The following GALNT13 variants were observed in gnomAD, a reference collection of about 807,000 sequenced individuals.
GALNT13 encodes the protein UDP-GalNAc:polypeptide N-acetylgalactosaminyltransferase 13.
Under a neutral mutation model 64.2 loss-of-function variants are expected in GALNT13, and 28 were observed. The observed-to-expected ratio is 0.44, with a 90% CI of 0.32 to 0.60. The LOEUF is 0.60. GALNT13 is among the 20% of genes least tolerant of loss of function. GALNT13 has a pLI of 0.05. For synonymous variants in GALNT13, 214 were observed against 224.6 expected, an observed-to-expected ratio of 0.95 and a Z score of 0.42; for missense variants, 577 against 669.8, an observed-to-expected ratio of 0.86 and a Z score of 1.53.
At chr2:153,909,891 T>C (rs1366409129) in intron 2 of GALNT13, among the ~76,000 whole-genome samples, 1 of 152,158 alleles carries the variant, frequency 6.6e-6, no homozygotes, top group Non-Finnish European at 1.5e-5. Context: ...TGAAGTTTTC[T>C]CTTTTGGTTG....
At chr2:153,729,229 T>C in the GALNT13 span, among the ~76,000 whole-genome samples, 3 of 152,252 alleles carry the variant, frequency 2.0e-5, no homozygotes, top group East Asian at 1.9e-4. Flanking sequence ...TTTAAAACCC[T>C]TTTTCCATTG....
intron 9 of GALNT13, among the ~76,000 whole-genome samples, chr2:154,325,139 A>G (rs904869001): frequency 4.2e-5 from 6 of 141,370 alleles, no homozygotes; most frequent in African/African-American, 1.6e-4. Flanking sequence ...GTGAGAAAGT[A>G]AAAAAAAAAA....
At chr2:153,993,251 T>C (rs1695284970) in intron 3 of GALNT13, among the ~76,000 whole-genome samples, 1 of 152,138 alleles carries the variant, frequency 6.6e-6, no homozygotes, top group South Asian at 2.1e-4. Flanking sequence ...TACTATAAAT[T>C]AAATATCAAG....
chr2:153,423,407 T>C, the GALNT13 span: 2 of 151,894 alleles, frequency 1.3e-5, no homozygotes, highest in South Asian at 2.1e-4. Context: ...TTAACCAAGA[T>C]ACTTTGTAAT....
At chr2:154,138,574 A>T (rs1574578376) in intron 3 of GALNT13, among the ~76,000 whole-genome samples, 1 of 71,942 alleles carries the variant, frequency 1.4e-5, no homozygotes, top group Non-Finnish European at 4.3e-5. Context: ...AAGATATGTT[A>T]AAAAAAAAAA....
At chr2:153,797,472 TA>T in the GALNT13 span, among the ~76,000 whole-genome samples, 3 of 152,154 alleles carry the variant, frequency 2.0e-5, no homozygotes, top group East Asian at 5.8e-4. Context: ...TCAACCATCC[TA>T]AAAATTAATC....
chr2:154,432,590 T>C (rs910242409), intron 11 of GALNT13, among the ~76,000 whole-genome samples: 2 of 152,198 alleles, frequency 1.3e-5, no homozygotes, highest in African/African-American at 4.8e-5. Flanking sequence ...AGAAGTGCCA[T>C]ACTCCCTCTG....
At chr2:153,355,243 A>G in the GALNT13 span, among the ~76,000 whole-genome samples, 501 of 152,342 alleles carry the variant, frequency 3.3e-3, 2 homozygotes, top group African/African-American at 0.011. Flanking sequence ...CATTAAATCA[A>G]AAGTCTAGAA....
At chr2:154,434,442 G>A (rs904565312) in intron 11 of GALNT13, among the ~76,000 whole-genome samples, 3 of 152,106 alleles carry the variant, frequency 2.0e-5, no homozygotes, top group East Asian at 3.9e-4. Context: ...TGTATTTTTA[G>A]TAGAGACGGG....
the GALNT13 span, among the ~76,000 whole-genome samples, chr2:153,086,235 A>T: frequency 1.3e-5 from 2 of 152,138 alleles, no homozygotes; most frequent in Admixed American, 6.5e-5. Flanking sequence ...GAGACTTTCT[A>T]CTGTGGACTT....
chr2:153,283,842 T>C, the GALNT13 span, among the ~76,000 whole-genome samples: 1 of 151,686 alleles, frequency 6.6e-6, no homozygotes, highest in South Asian at 2.1e-4. Flanking sequence ...GGAAACCCCC[T>C]GCTGCAGCAG....
intron 3 of GALNT13, among the ~76,000 whole-genome samples, chr2:153,950,733 A>G (rs1692114269): frequency 6.6e-6 from 1 of 152,128 alleles, no homozygotes; most frequent in Admixed American, 6.6e-5. Context: ...AATAGTTACT[A>G]TGAATGCACT....
At chr2:153,326,582 G>A in the GALNT13 span, among the ~76,000 whole-genome samples, 1 of 151,974 alleles carries the variant, frequency 6.6e-6, no homozygotes, top group Non-Finnish European at 1.5e-5. Flanking sequence ...TCATAGTGTC[G>A]ATGGTCTTTA....
chr2:153,205,033 AT>A, the GALNT13 span, among the ~76,000 whole-genome samples: 2 of 152,174 alleles, frequency 1.3e-5, no homozygotes, highest in Admixed American at 1.3e-4. Context: ...TTTGCTTCAG[AT>A]TTTTTGTGAT....
chr2:154,386,001 T>C (rs185682526), intron 9 of GALNT13, among the ~76,000 whole-genome samples: 10 of 152,172 alleles, frequency 6.6e-5, no homozygotes, highest in African/African-American at 2.4e-4. Context: ...TATGATAAGA[T>C]AGTCAAAGGC....
the GALNT13 span, among the ~76,000 whole-genome samples, chr2:153,814,506 T>A: frequency 2.9e-5 from 4 of 139,402 alleles, no homozygotes; most frequent in East Asian, 2.0e-4. Context: ...AATAAATAAA[T>A]AAAACAATTC....
the GALNT13 span, among the ~76,000 whole-genome samples, chr2:153,225,150 C>A: frequency 6.6e-6 from 1 of 152,146 alleles, no homozygotes; most frequent in Non-Finnish European, 1.5e-5. Context: ...AATTAATATT[C>A]ATTTCACAGA....
chr2:154,398,822 C>A lies in GALNT13; in HGVS notation c.1296+2692C>A, dbSNP rs568974600. 9.9e-5 allele frequency among the ~76,000 whole-genome samples: 15 copies of A among 152,260 alleles called. No individual in the cohort carries two copies. In the South Asian group the frequency reaches 3.1e-3, roughly 32 times the overall value. Reference sequence around the variant, plus strand: ...AAGAATAGTAGCCTACCAGTAGTTACACTTATTATATCTACCATTTATTGA... The same window carrying A: ...AAGAATAGTAGCCTACCAGTAGTTAAACTTATTATATCTACCATTTATTGA... On this transcript the variant is annotated intron_variant, in intron 10 of 12. Coordinates refer to ENST00000392825, the MANE Select transcript of GALNT13 (RefSeq NM_052917.4).
At chr2:154,221,637 A>T (rs971535140) in intron 4 of GALNT13, among the ~76,000 whole-genome samples, 1 of 152,086 alleles carries the variant, frequency 6.6e-6, no homozygotes, top group Non-Finnish European at 1.5e-5. Flanking sequence ...CTAGTAACAG[A>T]TTCCAAAGAC....
Sources: allele counts gnomAD v4.1 joint callset (sites outside exome capture counted in the v4.1 genomes callset), GRCh38; gene constraint gnomAD v4.1.1; transcripts MANE v1.5; gene names NCBI Gene and HGNC (gene_info 2026-07-23, HGNC 2026-07-21).